Variants in LRRC4C observed in about 807,000 individuals in gnomAD.
LRRC4C encodes leucine-rich repeat-containing protein 4C.
In LRRC4C, 5 loss-of-function variants were observed where a neutral mutation model predicts 33.6. That is an observed-to-expected ratio of 0.15 (90% CI 0.08 to 0.31). The LOEUF (loss-of-function observed/expected upper bound fraction) is 0.31. Among genes scored for constraint, LRRC4C ranks in the 10% least tolerant of loss-of-function variants. The pLI, the probability that LRRC4C is intolerant of heterozygous loss-of-function variation, is 1.00. For synonymous variants in LRRC4C, 329 were observed against 302.0 expected (o/e 1.09, Z -0.93); for missense variants, 560 against 796.7 (o/e 0.70, Z 3.58).
chr11:41,010,300 A>G (rs997192244), intron 1 of LRRC4C, among the ~76,000 whole-genome samples: 3 of 152,182 alleles, frequency 2.0e-5, no homozygotes, highest in African/African-American at 7.2e-5. Flanking sequence ...TTTCTAGGCC[A>G]TGCAGTCTTT....
At chr11:40,476,342 C>CTTTTTTT (rs71308392) in intron 3 of LRRC4C, among the ~76,000 whole-genome samples, 95 of 81,322 alleles carry the variant, frequency 1.2e-3, no homozygotes, top group Non-Finnish European at 1.6e-3. Context: ...TTTTTTTCTT[C>CTTTTTTT]TTTTTTTTTT....
chr11:40,432,411 T>C (rs34721539), intron 3 of LRRC4C, among the ~76,000 whole-genome samples: 6 of 152,242 alleles, frequency 3.9e-5, no homozygotes, highest in African/African-American at 1.4e-4. Context: ...AAAACTTATT[T>C]CTTGAAAAAG....
At chr11:41,311,175 C>A (rs150235352) in intron 1 of LRRC4C, among the ~76,000 whole-genome samples, 103 of 152,244 alleles carry the variant, frequency 6.8e-4, no homozygotes, top group African/African-American at 2.4e-3. Context: ...GAAGCTATGC[C>A]GTGCATTAGA....
chr11:41,303,368 C>G (rs533556876), intron 1 of LRRC4C, among the ~76,000 whole-genome samples: 2,390 of 118,854 alleles, frequency 0.02, 75 homozygotes, highest in African/African-American at 0.071. Flanking sequence ...GGATTGCAGA[C>G]GGAGTCTCGT....
chr11:41,002,851 C>T lies in LRRC4C; in HGVS notation c.-495-69128G>A, dbSNP rs79228956. ...TGAAAAAAGCAGAAGATAAAGCATA[C>T]GCCTTTGATGGTTATACCTTTTAAA... On this transcript the variant is annotated intron_variant, in intron 1 of 6. Transcript: ENST00000528697. Among the ~76,000 whole-genome samples the T allele has an allele frequency of 8.6e-3, 1,314 of 152,112 alleles. 23 individuals carry two copies. The highest frequency in any genetic ancestry group is 0.03 in the African/African-American group (1,227 of 41,492).
chr11:41,304,818 G>A (rs1287660462), intron 1 of LRRC4C, among the ~76,000 whole-genome samples: 1 of 100,332 alleles, frequency 1.0e-5, no homozygotes, highest in Non-Finnish European at 2.1e-5. Context: ...GGAGGGAGGT[G>A]GGGGGGTCAG....
At chr11:41,025,901 G>A (rs1856311117) in intron 1 of LRRC4C, among the ~76,000 whole-genome samples, 1 of 151,604 alleles carries the variant, frequency 6.6e-6, no homozygotes, top group Non-Finnish European at 1.5e-5. Context: ...ATGGTTTATT[G>A]ATATTTTCAT....
intron 1 of LRRC4C, among the ~76,000 whole-genome samples, chr11:41,202,195 A>G (rs1946426919): frequency 1.3e-5 from 2 of 152,172 alleles, no homozygotes; most frequent in Non-Finnish European, 2.9e-5. Flanking sequence ...GCCCCCAAAT[A>G]CTAAGTTTAG....
intron 3 of LRRC4C, among the ~76,000 whole-genome samples, chr11:40,416,963 T>C (rs902847796): frequency 3.3e-5 from 5 of 152,252 alleles, no homozygotes; most frequent in African/African-American, 1.2e-4. Context: ...TATGCCTTCA[T>C]GACTTTGAAT....
At chr11:40,442,196 T>G (rs1447760389) in intron 3 of LRRC4C, among the ~76,000 whole-genome samples, 1 of 141,564 alleles carries the variant, frequency 7.1e-6, no homozygotes, top group Non-Finnish European at 1.5e-5. Context: ...AAAGATCAAC[T>G]GCCTAGTATT....
At chr11:40,333,380 A>G (rs1004089914) in intron 3 of LRRC4C, among the ~76,000 whole-genome samples, 1 of 152,162 alleles carries the variant, frequency 6.6e-6, no homozygotes, top group African/African-American at 2.4e-5. Flanking sequence ...AGGAATATCA[A>G]GCATACTATT....
chr11:40,625,503 G>A (rs1962842833), intron 3 of LRRC4C, among the ~76,000 whole-genome samples: 1 of 152,042 alleles, frequency 6.6e-6, no homozygotes, highest in Non-Finnish European at 1.5e-5. Flanking sequence ...GAACAGCATG[G>A]GGGAAAACCT....
At chr11:40,262,659 G>A (rs1287493876) in intron 4 of LRRC4C, among the ~76,000 whole-genome samples, 1 of 152,114 alleles carries the variant, frequency 6.6e-6, no homozygotes, top group Non-Finnish European at 1.5e-5. Flanking sequence ...GCCATAAAAA[G>A]GATGAGTTCA....
At chr11:40,533,284 C>G (rs982971225) in intron 3 of LRRC4C, among the ~76,000 whole-genome samples, 1 of 152,060 alleles carries the variant, frequency 6.6e-6, no homozygotes, top group African/African-American at 2.4e-5. Context: ...ATCAGAAAAT[C>G]CTAGCTTGGC....
At chr11:40,976,348 T>G (rs1852084168) in intron 1 of LRRC4C, among the ~76,000 whole-genome samples, 1 of 152,182 alleles carries the variant, frequency 6.6e-6, no homozygotes, top group African/African-American at 2.4e-5. Flanking sequence ...AAATATCTCC[T>G]GGGTTCTTGT....
intron 4 of LRRC4C, among the ~76,000 whole-genome samples, chr11:40,278,769 C>T (rs556121938): frequency 1.4e-5 from 2 of 143,826 alleles, no homozygotes; most frequent in South Asian, 4.7e-4. Flanking sequence ...TTCTCACTCT[C>T]TACCACCAGA....
At chr11:40,806,591 C>T (rs902071126) in intron 2 of LRRC4C, among the ~76,000 whole-genome samples, 2 of 152,158 alleles carry the variant, frequency 1.3e-5, no homozygotes, top group Admixed American at 1.3e-4. Flanking sequence ...ACAAAACCTG[C>T]TATTGATGGA....
chr11:40,648,361 C>G (rs576638922), intron 2 of LRRC4C, 83 bp from the exon 3 acceptor site: 2 of 152,092 alleles, frequency 1.3e-5, no homozygotes, highest in Non-Finnish European at 2.9e-5. Flanking sequence ...CTAGAGCTCA[C>G]ACTAAAAAAA....
At chr11:40,987,645 A>ATATC (rs1853126518) in intron 1 of LRRC4C, among the ~76,000 whole-genome samples, 2 of 54,068 alleles carry the variant, frequency 3.7e-5, no homozygotes, top group Admixed American at 2.0e-4. Flanking sequence ...ATATATATAT[A>ATATC]TATATATCTC....
Sources: allele counts gnomAD v4.1 joint callset (sites outside exome capture counted in the v4.1 genomes callset), GRCh38; gene constraint gnomAD v4.1.1; transcripts MANE v1.5; gene names NCBI Gene and HGNC (gene_info 2026-07-23, HGNC 2026-07-21).